The following ADAMTSL1 variants were observed in gnomAD, a reference collection of about 807,000 sequenced individuals.
The protein encoded by ADAMTSL1 is ADAMTS-like protein 1.
ADAMTSL1 carries 126 observed loss-of-function variants against 201.8 expected under a neutral mutation model. The ratio of observed to expected loss-of-function variants is 0.62; its 90% CI spans 0.54 to 0.72. ADAMTSL1 has a LOEUF of 0.72. Ranked by LOEUF, ADAMTSL1 falls within the 30% of genes least tolerant of loss-of-function variation. The pLI is 0.00. For missense variants in ADAMTSL1, 2,679 were observed against 2,277.8 expected, an observed-to-expected ratio of 1.18 and a Z score of -3.59; for synonymous variants, 1,121 against 903.4, an observed-to-expected ratio of 1.24 and a Z score of -4.32.
At chr9:17,989,586 C>G (rs374880718) in intron 1 of ADAMTSL1, among the ~76,000 whole-genome samples, 2 of 152,028 alleles carry the variant, frequency 1.3e-5, no homozygotes, top group East Asian at 1.9e-4. Context: ...CACTTTAAAG[C>G]CTTTTTTGAA....
rs540333057 is a variant in ADAMTSL1, at chr9:18,689,680, C to T, written c.1574+4880C>T. 2.6e-5 allele frequency among the ~76,000 whole-genome samples: 4 copies of T among 152,292 alleles called. No individual in the cohort carries two copies. The East Asian group carries it at 7.7e-4, about 29-fold the overall frequency. The stretch of plus-strand genomic sequence containing the variant: ...CAGATATATTTCAGTTGCCGTAGTT[C>T]TTCAATGGCTCAGAAGAAGCAATGG... On this transcript the variant is annotated intron_variant, in intron 13 of 28. Coordinates refer to ENST00000380548, the MANE Select transcript of ADAMTSL1 (RefSeq NM_001040272.6).
At chr9:18,542,927 G>A (rs1251788782) in intron 3 of ADAMTSL1, among the ~76,000 whole-genome samples, 1 of 152,156 alleles carries the variant, frequency 6.6e-6, no homozygotes, top group Non-Finnish European at 1.5e-5. Flanking sequence ...CAAGTTCCAG[G>A]TATTCTGGAA....
intron 19 of ADAMTSL1, among the ~76,000 whole-genome samples, chr9:18,794,604 G>A (rs1258789519): frequency 1.3e-5 from 2 of 150,656 alleles, no homozygotes; most frequent in African/African-American, 2.5e-5. Context: ...CTGAACAGAT[G>A]TCTGTCTGGT....
At chr9:18,330,215 C>T (rs1421897059) in intron 2 of ADAMTSL1, among the ~76,000 whole-genome samples, 1 of 152,194 alleles carries the variant, frequency 6.6e-6, no homozygotes, top group Non-Finnish European at 1.5e-5. Context: ...TTGTGAACCA[C>T]TTGACACAGT....
intron 3 of ADAMTSL1, among the ~76,000 whole-genome samples, chr9:18,570,691 C>G (rs1289373296): frequency 6.6e-6 from 1 of 152,132 alleles, no homozygotes; most frequent in African/African-American, 2.4e-5. Context: ...TTGCCAAGTA[C>G]AAATAAACTC....
chr9:18,840,978 G>T (rs979515011), intron 23 of ADAMTSL1, among the ~76,000 whole-genome samples: 3 of 147,708 alleles, frequency 2.0e-5, no homozygotes, highest in African/African-American at 7.5e-5. Context: ...CATGTCATCT[G>T]CAAACAGGGA....
chr9:18,604,026 C>A (rs1293600752), intron 4 of ADAMTSL1, among the ~76,000 whole-genome samples: 1 of 152,196 alleles, frequency 6.6e-6, no homozygotes, highest in East Asian at 1.9e-4. Context: ...GCATATTTAT[C>A]CCTATGCATT....
intron 1 of ADAMTSL1, among the ~76,000 whole-genome samples, chr9:17,990,722 CT>C (rs1207342493): frequency 6.6e-6 from 1 of 151,954 alleles, no homozygotes. Flanking sequence ...ATAACCATTG[CT>C]TTTTTTCTAA....
chr9:18,291,434 C>T (rs763234598), intron 2 of ADAMTSL1, among the ~76,000 whole-genome samples: 3 of 152,112 alleles, frequency 2.0e-5, no homozygotes, highest in South Asian at 4.1e-4. Context: ...GTATGCTAGG[C>T]ACTATTCTAG....
At chr9:18,390,072 ATATTTAG>A (rs1400418444) in intron 2 of ADAMTSL1, among the ~76,000 whole-genome samples, 3 of 152,306 alleles carry the variant, frequency 2.0e-5, no homozygotes, top group South Asian at 4.1e-4. Flanking sequence ...TAGAATAAGA[ATATTTAG>A]TTTAAGCCAG....
At chr9:18,194,919 T>A (rs1829114453) in intron 2 of ADAMTSL1, among the ~76,000 whole-genome samples, 2 of 152,120 alleles carry the variant, frequency 1.3e-5, no homozygotes, top group African/African-American at 4.8e-5. Flanking sequence ...ACACACAAGA[T>A]ACATCTTTTC....
chr9:18,881,646 T>C (rs1486046031), intron 23 of ADAMTSL1, among the ~76,000 whole-genome samples: 1 of 152,188 alleles, frequency 6.6e-6, no homozygotes, highest in Non-Finnish European at 1.5e-5. Context: ...AGACATAAAG[T>C]ATGCACACAC....
chr9:18,736,384 T>C lies in ADAMTSL1; in HGVS notation c.2006+14719T>C, dbSNP rs868660538. 5.9e-5 allele frequency among the ~76,000 whole-genome samples: 9 copies of C among 152,294 alleles called. No homozygotes were observed. The Middle Eastern group carries it at 0.027, about 460-fold the overall frequency. On this transcript the variant is annotated intron_variant, in intron 15 of 28. Transcript: ENST00000380548. ...ACCTGCTAGGTACTACCATAGGCCT[T>C]GGGAAGGCACATCCCAGGCACACCT...
At chr9:18,509,826 A>G (rs1392328524) in intron 2 of ADAMTSL1, among the ~76,000 whole-genome samples, 1 of 152,170 alleles carries the variant, frequency 6.6e-6, no homozygotes, top group Non-Finnish European at 1.5e-5. Flanking sequence ...AAAAATTGGG[A>G]CTATTCTTCA....
intron 4 of ADAMTSL1, among the ~76,000 whole-genome samples, chr9:18,611,502 A>G (rs1328871170): frequency 1.3e-5 from 2 of 152,178 alleles, no homozygotes; most frequent in Non-Finnish European, 2.9e-5. Flanking sequence ...AATACACAAA[A>G]AAATCCAGAT....
intron 2 of ADAMTSL1, among the ~76,000 whole-genome samples, chr9:18,337,101 C>A: frequency 6.6e-6 from 1 of 152,084 alleles, no homozygotes; most frequent in Non-Finnish European, 1.5e-5. Context: ...AGTCAGTGGA[C>A]TGGGAGACAC....
chr9:18,008,570 C>T (rs1475625314), intron 1 of ADAMTSL1, among the ~76,000 whole-genome samples: 2 of 151,904 alleles, frequency 1.3e-5, no homozygotes, highest in Admixed American at 6.6e-5. Context: ...GAAGGAGCCA[C>T]TCAGGTAGGC....
chr9:18,085,184 CTG>C (rs1823687850), intron 1 of ADAMTSL1, among the ~76,000 whole-genome samples: 2 of 151,628 alleles, frequency 1.3e-5, no homozygotes, highest in South Asian at 2.1e-4. Flanking sequence ...ACCTCATAGA[CTG>C]TGTTTTTCCT....
intron 2 of ADAMTSL1, among the ~76,000 whole-genome samples, chr9:18,254,441 C>A (rs1346301805): frequency 7.3e-6 from 1 of 136,364 alleles, no homozygotes; most frequent in Non-Finnish European, 1.5e-5. Flanking sequence ...CAGCTCACTG[C>A]AAGCTCCACC....
Sources: allele counts gnomAD v4.1 joint callset (sites outside exome capture counted in the v4.1 genomes callset), GRCh38; gene constraint gnomAD v4.1.1; transcripts MANE v1.5; gene names NCBI Gene and HGNC (gene_info 2026-07-23, HGNC 2026-07-21).